BACH2: variants seen among roughly 807,000 people sequenced by gnomAD.
BACH2 encodes the protein BACH transcriptional regulator 2.
In BACH2, 5 loss-of-function variants were observed where a neutral mutation model predicts 61.8. That is an observed-to-expected ratio of 0.08 (90% CI 0.04 to 0.17). The LOEUF (loss-of-function observed/expected upper bound fraction) is 0.17. Ranked by LOEUF, BACH2 falls within the 10% of genes least tolerant of loss-of-function variation. The pLI is 1.00. For missense variants in BACH2, 824 were observed against 1,091.1 expected (o/e 0.76, Z 3.45); for synonymous variants, 446 against 440.1 (o/e 1.01, Z -0.17).
At chr6:90,285,500 C>A (rs1771992911) in intron 1 of BACH2, among the ~76,000 whole-genome samples, 1 of 152,178 alleles carries the variant, frequency 6.6e-6, no homozygotes, top group Admixed American at 6.5e-5. Context: ...TTATCAGCCC[C>A]TTTTGCCTCT....
intron 5 of BACH2, among the ~76,000 whole-genome samples, chr6:90,013,567 C>T (rs533740809): frequency 1.4e-5 from 2 of 146,696 alleles, no homozygotes; most frequent in African/African-American, 5.1e-5. Context: ...AGTGCAGTGG[C>T]GCGATCTCGG....
chr6:90,231,314 T>C (rs1770089388), intron 3 of BACH2, among the ~76,000 whole-genome samples: 1 of 152,232 alleles, frequency 6.6e-6, no homozygotes, highest in Non-Finnish European at 1.5e-5. Flanking sequence ...TTGCTAAGTC[T>C]CAGACTATTC....
chr6:90,209,226 T>A (rs943279781), intron 3 of BACH2, among the ~76,000 whole-genome samples: 2 of 151,666 alleles, frequency 1.3e-5, no homozygotes, highest in Non-Finnish European at 2.9e-5. Flanking sequence ...CCACATTCAG[T>A]CATAGCAATA....
At chr6:90,135,825 A>G (rs920325601) in intron 4 of BACH2, among the ~76,000 whole-genome samples, 1 of 152,160 alleles carries the variant, frequency 6.6e-6, no homozygotes, top group South Asian at 2.1e-4. Flanking sequence ...GGCACACATC[A>G]TATGCTGACT....
chr6:89,965,124 T>C (rs1025163886), intron 6 of BACH2, among the ~76,000 whole-genome samples: 2 of 152,182 alleles, frequency 1.3e-5, no homozygotes, highest in African/African-American at 4.8e-5. Context: ...TGACCTCAAG[T>C]AATCCACCCG....
chr6:89,944,652 T>C (rs1175398239), intron 7 of BACH2, among the ~76,000 whole-genome samples: 1 of 152,040 alleles, frequency 6.6e-6, no homozygotes, highest in East Asian at 1.9e-4. Context: ...ATTTCCATGT[T>C]TTCTCTGGAC....
chr6:89,941,976 A>C (rs1389450508), intron 7 of BACH2, among the ~76,000 whole-genome samples: 1 of 152,220 alleles, frequency 6.6e-6, no homozygotes, highest in African/African-American at 2.4e-5. Context: ...TTGAGACAAA[A>C]AGCCATACAA....
intron 3 of BACH2, among the ~76,000 whole-genome samples, chr6:90,219,438 G>C (rs1380937354): frequency 2.0e-5 from 3 of 152,154 alleles, no homozygotes; most frequent in African/African-American, 7.2e-5. Context: ...GGAGCTGTGT[G>C]TTTCTTTTTC....
chr6:90,056,282 C>G (rs927524149), intron 5 of BACH2, among the ~76,000 whole-genome samples: 1 of 151,982 alleles, frequency 6.6e-6, no homozygotes, highest in Non-Finnish European at 1.5e-5. Context: ...GGAAGATCTA[C>G]CAAGCAAATG....
chr6:89,958,901 G>C (rs2128358642), intron 6 of BACH2, among the ~76,000 whole-genome samples: 1 of 152,196 alleles, frequency 6.6e-6, no homozygotes, highest in South Asian at 2.1e-4. Context: ...CACAAAACCA[G>C]AACTGGCTAG....
At chr6:90,281,913 C>A (rs1484968615) in intron 1 of BACH2, among the ~76,000 whole-genome samples, 2 of 152,088 alleles carry the variant, frequency 1.3e-5, no homozygotes, top group African/African-American at 4.8e-5. Flanking sequence ...CAAGGTCACA[C>A]AATAAGTGGC....
intron 5 of BACH2, among the ~76,000 whole-genome samples, chr6:90,034,936 A>G (rs1219493412): frequency 1.3e-5 from 2 of 152,186 alleles, no homozygotes; most frequent in Admixed American, 6.5e-5. Context: ...AAGAAAGACA[A>G]TATGTAGGAA....
chr6:89,956,655 GACATCCATTTT>G (rs1435203974), intron 6 of BACH2, among the ~76,000 whole-genome samples: 1 of 152,174 alleles, frequency 6.6e-6, no homozygotes, highest in East Asian at 1.9e-4. Context: ...TGTTTCATGA[GACATCCATTTT>G]GCTGCAGGAC....
intron 4 of BACH2, among the ~76,000 whole-genome samples, chr6:90,174,421 G>A (rs1055733831): frequency 1.3e-5 from 2 of 151,912 alleles, no homozygotes; most frequent in Non-Finnish European, 2.9e-5. Flanking sequence ...ATATCACAAA[G>A]CAACCCTATA....
Position 90,174,290 on chromosome 6 carries a change from A to G in BACH2, c.-162+32279T>C, listed in dbSNP as rs1470980122. ...AATATCAATCAGTGTTATTCACTAG[A>G]TGAAAGAAGAAAATATATGATTATC... On this transcript the variant is annotated intron_variant, in intron 4 of 8. Coordinates refer to ENST00000257749, the MANE Select transcript of BACH2 (RefSeq NM_021813.4). Among the ~76,000 whole-genome samples, 7 of 152,048 alleles carry G rather than the reference A, an allele frequency of 4.6e-5. No individual in the cohort carries two copies. In the East Asian group the frequency reaches 1.3e-3, roughly 29 times the overall value.
intron 4 of BACH2, among the ~76,000 whole-genome samples, chr6:90,091,221 C>T (rs1356419842): frequency 6.6e-6 from 1 of 152,182 alleles, no homozygotes; most frequent in African/African-American, 2.4e-5. Context: ...TTGGTCAGTA[C>T]CATCTATAGC....
intron 5 of BACH2, among the ~76,000 whole-genome samples, chr6:90,033,120 C>T (rs866462004): frequency 8.6e-5 from 13 of 151,190 alleles, no homozygotes; most frequent in Middle Eastern, 3.4e-3. Flanking sequence ...AAAAACCAAA[C>T]GCTGCATGTT....
At position 89,930,724 on chromosome 6, in the gene BACH2, T is replaced by C. The variant is rs752372222; in HGVS notation, c.*1684A>G. 6 of 152,460 alleles carry C rather than the reference T, an allele frequency of 3.9e-5. No individual in the cohort carries two copies. Among genetic ancestry groups the C allele is most frequent in the Non-Finnish European group, 7.4e-5 (5 of 67,988 alleles). 9.4% of individuals were successfully genotyped at this position (152,460 alleles called of 1,614,324 possible). On this transcript the variant is annotated 3_prime_UTR_variant, in exon 9 of 9. Coordinates refer to ENST00000257749, the MANE Select transcript of BACH2 (RefSeq NM_021813.4). ...GCAAGAAGAGAAAATTATCATCAGGTGAGGGTAGGGTATGTGTGTGATTCG... is the reference window on the plus strand; with the variant it reads ...GCAAGAAGAGAAAATTATCATCAGGCGAGGGTAGGGTATGTGTGTGATTCG...
intron 3 of BACH2, among the ~76,000 whole-genome samples, chr6:90,240,173 T>C (rs1770397725): frequency 6.6e-6 from 1 of 152,172 alleles, no homozygotes. Flanking sequence ...TCAAAAAAAG[T>C]TTAATACAAA....
Sources: gnomAD v4.1 joint callset for allele counts (sites outside exome capture counted in the v4.1 genomes callset) on GRCh38, gnomAD v4.1.1 for gene constraint, MANE v1.5 for transcripts, NCBI Gene and HGNC (gene_info 2026-07-23, HGNC 2026-07-21) for gene names.